The following SNCAIP variants were observed in gnomAD, a reference collection of about 807,000 sequenced individuals.
The protein encoded by SNCAIP is synuclein alpha interacting protein.
In SNCAIP, 43 loss-of-function variants were observed where a neutral mutation model predicts 86.7. The observed-to-expected ratio is 0.50, with a 90% CI of 0.39 to 0.64. SNCAIP has a LOEUF of 0.64. SNCAIP is among the 30% of genes least tolerant of loss of function. SNCAIP has a pLI of 0.00. For synonymous variants in SNCAIP, 417 were observed against 427.2 expected, an observed-to-expected ratio of 0.98 and a Z score of 0.29; for missense variants, 981 against 1,103.1, an observed-to-expected ratio of 0.89 and a Z score of 1.57.
At chr5:122,326,372 C>T (rs1754031249) in intron 1 of SNCAIP, among the ~76,000 whole-genome samples, 1 of 152,098 alleles carries the variant, frequency 6.6e-6, no homozygotes, top group African/African-American at 2.4e-5. Flanking sequence ...TCATCTGTAA[C>T]TTATAGTACA....
chr5:122,369,450 C>T (rs1403620574), intron 1 of SNCAIP, among the ~76,000 whole-genome samples: 1 of 152,210 alleles, frequency 6.6e-6, no homozygotes, highest in Non-Finnish European at 1.5e-5. Context: ...GCATTTACAT[C>T]TGAACCACTT....
intron 3 of SNCAIP, among the ~76,000 whole-genome samples, chr5:122,407,835 A>T (rs1032660075): frequency 2.0e-5 from 3 of 152,222 alleles, no homozygotes; most frequent in Non-Finnish European, 4.4e-5. Context: ...CCTTATCCCA[A>T]CCACAGGGTC....
upstream of SNCAIP, chr5:122,311,429 C>G (rs1310580896): frequency 6.6e-6 from 1 of 151,886 alleles, no homozygotes; most frequent in Non-Finnish European, 1.5e-5. Flanking sequence ...GGTGGGCGAG[C>G]TTCGGGGGGA....
At chr5:122,357,475 C>G (rs182240938) in intron 1 of SNCAIP, among the ~76,000 whole-genome samples, 1 of 152,016 alleles carries the variant, frequency 6.6e-6, no homozygotes, top group Non-Finnish European at 1.5e-5. Flanking sequence ...ACCTCGTGAT[C>G]GGCCCGCCTC....
Position 122,458,221 on chromosome 5 carries a change from C to T in SNCAIP, c.2755-5270C>T, listed in dbSNP as rs372340125. Reference sequence around the variant, plus strand: ...GTGGAGTTTGTGAACACCCATGAACCAACAGTAGGAAGACAACAGGAAGAG... The same window carrying T: ...GTGGAGTTTGTGAACACCCATGAACTAACAGTAGGAAGACAACAGGAAGAG... On this transcript the variant is annotated intron_variant, in intron 10 of 10. Transcript: ENST00000261368. 2.2e-3 allele frequency among the ~76,000 whole-genome samples: 328 copies of T among 152,244 alleles called. 15 individuals carry two copies. In the South Asian group the frequency reaches 0.066, roughly 31 times the overall value.
chr5:122,374,513 A>G (rs1468555291), intron 1 of SNCAIP, among the ~76,000 whole-genome samples: 3 of 152,148 alleles, frequency 2.0e-5, no homozygotes, highest in Non-Finnish European at 4.4e-5. Flanking sequence ...TTATTGGAAA[A>G]CAGACCCTGT....
At chr5:122,435,521 T>A (rs1219978547) in intron 6 of SNCAIP, among the ~76,000 whole-genome samples, 2 of 152,200 alleles carry the variant, frequency 1.3e-5, no homozygotes, top group Non-Finnish European at 2.9e-5. Context: ...CTTTTGTTTC[T>A]GAATCATTCA....
chr5:122,461,621 T>A (rs1038857336), intron 10 of SNCAIP, among the ~76,000 whole-genome samples: 2 of 151,898 alleles, frequency 1.3e-5, no homozygotes, highest in Non-Finnish European at 2.9e-5. Flanking sequence ...ATAATATTAA[T>A]TTCCAACATC....
At chr5:122,347,030 T>C (rs1287637452) in intron 1 of SNCAIP, among the ~76,000 whole-genome samples, 3 of 151,954 alleles carry the variant, frequency 2.0e-5, no homozygotes, top group Admixed American at 1.3e-4. Context: ...AATTAAAACA[T>C]CGTTGAGGCA....
chr5:122,404,730 G>T (rs906061959), intron 3 of SNCAIP, among the ~76,000 whole-genome samples: 5 of 152,140 alleles, frequency 3.3e-5, no homozygotes, highest in Non-Finnish European at 7.3e-5. Context: ...AAATAGATGT[G>T]CCTTACCTAT....
At chr5:122,376,588 C>G (rs1765374208) in intron 1 of SNCAIP, among the ~76,000 whole-genome samples, 1 of 152,038 alleles carries the variant, frequency 6.6e-6, no homozygotes, top group Non-Finnish European at 1.5e-5. Context: ...ATAGTTTTGT[C>G]CTTGTGGAAT....
Position 122,463,480 on chromosome 5 carries a change from C to T in SNCAIP, c.2755-11C>T. ...TATCTAATTTTGGCCTGTGGTTTCTCTTCTGCTTAGGCATAATGACATCAA... is the reference window on the plus strand; with the variant it reads ...TATCTAATTTTGGCCTGTGGTTTCTTTTCTGCTTAGGCATAATGACATCAA... On this transcript the variant is annotated splice_polypyrimidine_tract_variant and intron_variant, in intron 10 of 10. Transcript: ENST00000261368. 2 of 1,563,728 alleles carry T rather than the reference C, an allele frequency of 1.3e-6. No homozygotes were observed. The highest frequency in any genetic ancestry group is 1.1e-5 in the South Asian group (1 of 90,094).
intron 1 of SNCAIP, among the ~76,000 whole-genome samples, chr5:122,336,192 A>AAG (rs1230638625): frequency 6.7e-6 from 1 of 149,444 alleles, no homozygotes; most frequent in Non-Finnish European, 1.5e-5. Flanking sequence ...GAGAGAGAGA[A>AAG]AGAGAGAGAG....
At chr5:122,341,367 A>C (rs187459349) in intron 1 of SNCAIP, among the ~76,000 whole-genome samples, 1 of 152,230 alleles carries the variant, frequency 6.6e-6, no homozygotes, top group South Asian at 2.1e-4. Context: ...TAACAAATAC[A>C]TAAAAATCGG....
intron 5 of SNCAIP, among the ~76,000 whole-genome samples, chr5:122,430,942 G>T (rs1263522877): frequency 6.6e-6 from 1 of 151,952 alleles, no homozygotes; most frequent in African/African-American, 2.4e-5. Context: ...TTTTAAAATT[G>T]TTTAATATTT....
At chr5:122,376,139 C>T (rs1029552866) in intron 1 of SNCAIP, among the ~76,000 whole-genome samples, 1 of 152,026 alleles carries the variant, frequency 6.6e-6, no homozygotes, top group African/African-American at 2.4e-5. Flanking sequence ...CTCGTGCACT[C>T]TAAAGTTTGA....
At chr5:122,366,282 G>A (rs1015752476) in intron 1 of SNCAIP, among the ~76,000 whole-genome samples, 3 of 152,216 alleles carry the variant, frequency 2.0e-5, no homozygotes, top group African/African-American at 4.8e-5. Context: ...CTGGAATGAT[G>A]TTCAGCTGCT....
chr5:122,457,577 T>A (rs1337936016), intron 10 of SNCAIP, among the ~76,000 whole-genome samples: 2 of 152,068 alleles, frequency 1.3e-5, no homozygotes, highest in African/African-American at 4.8e-5. Context: ...TCTGTCTGTG[T>A]CCCCACCCAA....
intron 3 of SNCAIP, among the ~76,000 whole-genome samples, chr5:122,404,473 G>A (rs563675452): frequency 2.2e-4 from 33 of 152,174 alleles, no homozygotes; most frequent in Middle Eastern, 3.4e-3. Flanking sequence ...ATTCTGAGTT[G>A]TTTTCCCTCT....
Sources: allele counts gnomAD v4.1 joint callset (sites outside exome capture counted in the v4.1 genomes callset), GRCh38; gene constraint gnomAD v4.1.1; transcripts MANE v1.5; gene names NCBI Gene and HGNC (gene_info 2026-07-23, HGNC 2026-07-21).